The following DNM3 variants were observed in gnomAD, a reference collection of about 807,000 sequenced individuals.
DNM3 encodes the protein dynamin-3.
DNM3 carries 47 observed loss-of-function variants against 101.6 expected under a neutral mutation model. The observed-to-expected ratio is 0.46, with a 90% CI of 0.37 to 0.59. The LOEUF is 0.59. DNM3 is among the 20% of genes least tolerant of loss of function. The probability of loss-of-function intolerance (pLI) is 0.00; values close to 1 mark genes in which losing one functional copy is unlikely to be tolerated. For missense variants in DNM3, 849 were observed against 1,085.7 expected, an observed-to-expected ratio of 0.78 and a Z score of 3.06; for synonymous variants, 385 against 387.9, an observed-to-expected ratio of 0.99 and a Z score of 0.09.
intron 1 of DNM3, among the ~76,000 whole-genome samples, chr1:171,865,581 A>G (rs1432373283): frequency 6.6e-6 from 1 of 152,034 alleles, no homozygotes; most frequent in East Asian, 1.9e-4. Flanking sequence ...AAGGTAAGAT[A>G]AAACCAAGAA....
intron 14 of DNM3, among the ~76,000 whole-genome samples, chr1:172,235,739 G>A (rs948580199): frequency 1.3e-4 from 20 of 151,868 alleles, no homozygotes; most frequent in Admixed American, 9.8e-4. Flanking sequence ...GCAAACTATC[G>A]CAAGGACAAA....
chr1:171,999,190 G>C lies in DNM3; in HGVS notation c.589+10042G>C, dbSNP rs141773329. Among the ~76,000 whole-genome samples the C allele has an allele frequency of 2.5e-3, 384 of 152,168 alleles. 5 individuals carry two copies. The highest frequency in any genetic ancestry group is 1.5e-3 in the Non-Finnish European group (102 of 67,970). ...TTATTCTATCAGAGAGGTCCAGTAG[G>C]GGGTGAGGTGATGTGCTTTGGAATA... On this transcript the variant is annotated intron_variant, in intron 4 of 20. Transcript: ENST00000627582.
intron 15 of DNM3, among the ~76,000 whole-genome samples, chr1:172,280,623 G>A (rs575726128): frequency 1.1e-4 from 16 of 152,182 alleles, no homozygotes; most frequent in Admixed American, 6.5e-4. Context: ...TAATTACATG[G>A]CACTTTGTAC....
At chr1:171,925,154 G>A (rs964283840) in intron 2 of DNM3, among the ~76,000 whole-genome samples, 6 of 150,584 alleles carry the variant, frequency 4.0e-5, no homozygotes, top group Non-Finnish European at 8.9e-5. Flanking sequence ...ACCCACCTCG[G>A]TCTCCCAAAG....
chr1:172,068,304 G>A (rs2051862357), intron 10 of DNM3, among the ~76,000 whole-genome samples: 2 of 151,824 alleles, frequency 1.3e-5, no homozygotes, highest in Admixed American at 6.6e-5. Context: ...CTCCAGCCTG[G>A]GTGACAAGAG....
downstream of DNM3, among the ~76,000 whole-genome samples, chr1:172,417,125 GA>G (rs1228566604): frequency 6.6e-6 from 1 of 151,944 alleles, no homozygotes; most frequent in Admixed American, 6.6e-5. Flanking sequence ...TCACAAGCAA[GA>G]ATAAGATGTG....
At chr1:172,338,493 T>C (rs1049470322) in intron 17 of DNM3, among the ~76,000 whole-genome samples, 3 of 152,168 alleles carry the variant, frequency 2.0e-5, no homozygotes, top group Non-Finnish European at 4.4e-5. Flanking sequence ...CTGTGAGCAA[T>C]AGCAAATCAT....
intron 10 of DNM3, among the ~76,000 whole-genome samples, chr1:172,063,775 C>CAAA (rs11317272): frequency 1.1e-5 from 1 of 87,766 alleles, no homozygotes; most frequent in Non-Finnish European, 2.4e-5. Flanking sequence ...GAGACTTTGT[C>CAAA]AAAAAAAAAA....
intron 2 of DNM3, among the ~76,000 whole-genome samples, chr1:171,969,594 A>C (rs924112062): frequency 2.0e-5 from 3 of 152,096 alleles, no homozygotes; most frequent in Non-Finnish European, 4.4e-5. Flanking sequence ...AAATAATTGC[A>C]TTTCTTTGAT....
At chr1:172,063,513 A>G (rs2051411499) in intron 10 of DNM3, among the ~76,000 whole-genome samples, 1 of 152,140 alleles carries the variant, frequency 6.6e-6, no homozygotes, top group Non-Finnish European at 1.5e-5. Flanking sequence ...TTTCTCTCAG[A>G]ACATGTATAA....
intron 14 of DNM3, among the ~76,000 whole-genome samples, chr1:172,153,147 G>A (rs546346426): frequency 1.9e-4 from 29 of 152,280 alleles, no homozygotes; most frequent in Admixed American, 5.9e-4. Flanking sequence ...AAGTTCAGCT[G>A]TGCCATTTCC....
At chr1:172,163,297 G>A in intron 14 of DNM3, among the ~76,000 whole-genome samples, 1 of 148,676 alleles carries the variant, frequency 6.7e-6, no homozygotes. Flanking sequence ...GGAGTGCAGT[G>A]GTGTGATCTT....
intron 13 of DNM3, among the ~76,000 whole-genome samples, chr1:172,103,033 A>T (rs1427118247): frequency 6.6e-6 from 1 of 152,228 alleles, no homozygotes; most frequent in Non-Finnish European, 1.5e-5. Context: ...ATAATTTTCA[A>T]GTTAAACAAT....
intron 15 of DNM3, among the ~76,000 whole-genome samples, chr1:172,258,419 G>A (rs1055116366): frequency 1.3e-5 from 2 of 151,416 alleles, no homozygotes; most frequent in Admixed American, 1.3e-4. Context: ...CATCCTCACC[G>A]CCATCAACAG....
At chr1:171,972,329 G>C (rs547075758) in intron 2 of DNM3, among the ~76,000 whole-genome samples, 2 of 152,180 alleles carry the variant, frequency 1.3e-5, no homozygotes, top group Non-Finnish European at 2.9e-5. Flanking sequence ...AATCTTTAAG[G>C]CTGTTTCTAC....
intron 14 of DNM3, among the ~76,000 whole-genome samples, chr1:172,233,819 G>A (rs568953205): frequency 0.044 from 6,681 of 152,136 alleles, 447 homozygotes; most frequent in African/African-American, 0.14. Flanking sequence ...ATGCAGAAAA[G>A]GCCTTTGACA....
intron 13 of DNM3, among the ~76,000 whole-genome samples, chr1:172,097,104 G>A (rs2054294168): frequency 6.6e-6 from 1 of 151,950 alleles, no homozygotes; most frequent in Non-Finnish European, 1.5e-5. Flanking sequence ...GATGAGAGCA[G>A]AAGGTGCTGA....
chr1:172,396,318 T>A (rs777960506), intron 20 of DNM3, among the ~76,000 whole-genome samples: 1 of 152,228 alleles, frequency 6.6e-6, no homozygotes, highest in Non-Finnish European at 1.5e-5. Context: ...AGGGTCTTCC[T>A]AACTTCAGTT....
chr1:172,355,596 C>T, intron 17 of DNM3, among the ~76,000 whole-genome samples: 1 of 152,060 alleles, frequency 6.6e-6, no homozygotes, highest in Middle Eastern at 3.2e-3. Context: ...ATGCTCCCAC[C>T]ATTGGTAGTC....
Sources: allele counts gnomAD v4.1 joint callset (sites outside exome capture counted in the v4.1 genomes callset), GRCh38; gene constraint gnomAD v4.1.1; transcripts MANE v1.5; gene names NCBI Gene and HGNC (gene_info 2026-07-23, HGNC 2026-07-21).